The following ZNF280D variants were observed in gnomAD, a reference collection of about 807,000 sequenced individuals.
ZNF280D encodes the protein zinc finger protein 280D, also known as suppressor of hairy wing homolog 4.
A neutral mutation model predicts 94.7 loss-of-function variants in ZNF280D; 39 were observed. That is an observed-to-expected ratio of 0.41 (90% CI 0.32 to 0.54). ZNF280D has a LOEUF of 0.54. ZNF280D is among the 20% of genes least tolerant of loss of function. ZNF280D has a pLI of 0.22. For missense variants in ZNF280D, 1,090 were observed against 1,149.3 expected (o/e 0.95, Z 0.75); for synonymous variants, 398 against 377.6 (o/e 1.05, Z -0.63).
chr15:56,692,243 A>T (rs1425129363), intron 7 of ZNF280D, among the ~76,000 whole-genome samples: 2 of 152,086 alleles, frequency 1.3e-5, no homozygotes, highest in Non-Finnish European at 2.9e-5. Context: ...GTGAATATCA[A>T]ATCAAGTATT....
At chr15:56,703,218 G>T (rs2057192048) in intron 4 of ZNF280D, among the ~76,000 whole-genome samples, 1 of 152,132 alleles carries the variant, frequency 6.6e-6, no homozygotes, top group African/African-American at 2.4e-5. Context: ...CTGCCCAAAA[G>T]CCTTAAGGAT....
chr15:56,666,842 T>C lies in ZNF280D; in HGVS notation c.1690A>G (p.Lys564Glu). Residue 564 changes from lysine (K) to glutamate (E), a missense_variant, in exon 15 of 22, where the codon AAA becomes GAA. Physicochemically the swap from Lys to Glu is moderately conservative, Grantham distance 56. Around this residue, in one of 3 missense-constraint regions of ZNF280D, gnomAD observed 577 missense variants for 568.8 expected, o/e 1.01. Coordinates refer to ENST00000267807, the MANE Select transcript of ZNF280D (RefSeq NM_017661.4). ...AKNPAKSNTS[K>E]PNTVKSNASK... is the part of the protein sequence containing the mutation. ...GCGTTGGATTTGACTGTATTAGGTT[T>C]ACTTGTATTAGATTTTGCAGGATTT... The C allele has an allele frequency of 6.2e-7, 1 of 1,613,952 alleles. No homozygotes were observed. Among genetic ancestry groups the C allele is most frequent in the Non-Finnish European group, 8.5e-7 (1 of 1,179,908 alleles).
chr15:56,692,990 T>C (rs2056513580), intron 7 of ZNF280D, 108 bp downstream of exon 7: 6 of 632,554 alleles, frequency 9.5e-6, no homozygotes, highest in African/African-American at 5.8e-5. Context: ...TTACAATATA[T>C]GAAAAACTTC....
rs1596559893 is a variant in ZNF280D at position 56,701,156 on chromosome 15, G to C, written c.241+17C>G. The C allele has an allele frequency of 6.3e-7, 1 of 1,597,862 alleles. No individual in the cohort carries two copies. Among genetic ancestry groups the C allele is most frequent in the African/African-American group, 1.4e-5 (1 of 73,710 alleles). The stretch of plus-strand genomic sequence containing the variant: ...AATACTTCACTTTAAAATTAAAATA[G>C]TATAATAATACTGTACCTCGACTGA... On this transcript the variant is annotated intron_variant, in intron 5 of 21. Coordinates refer to ENST00000267807, the MANE Select transcript of ZNF280D (RefSeq NM_017661.4).
intron 6 of ZNF280D, chr15:56,700,688 G>A: frequency 7.0e-7 from 1 of 1,423,712 alleles, no homozygotes. Context: ...TGATAGTATA[G>A]TTTTCATTAC....
At chr15:56,706,402 C>G (rs2057405080) in intron 3 of ZNF280D, among the ~76,000 whole-genome samples, 1 of 151,602 alleles carries the variant, frequency 6.6e-6, no homozygotes, top group African/African-American at 2.4e-5. Flanking sequence ...CACTTGAGCC[C>G]AGGAAGAGGA....
At chr15:56,699,891 G>A (rs2056957497) in intron 6 of ZNF280D, 1 of 152,784 alleles carries the variant, frequency 6.5e-6, no homozygotes, top group South Asian at 2.1e-4. Flanking sequence ...ACTCAGTTGA[G>A]TAATGTAGTT....
In ZNF280D at chr15:56,669,954, TATATATATTATATATATATA is replaced by T; in HGVS notation, c.1411-1017_1411-998del. ...ATATATATTATATATATATATTATA[TATATATATTATATATATATA>T]ATATATATATTATATATATATATTA... On this transcript the variant is annotated intron_variant, in intron 13 of 21. Coordinates refer to ENST00000267807, the MANE Select transcript of ZNF280D (RefSeq NM_017661.4). Among the ~76,000 whole-genome samples the T allele has an allele frequency of 2.0e-3, 6 of 2,968 alleles. 1 individual carries two copies. The South Asian group carries it at 0.073, about 36-fold the overall frequency. 1.9% of individuals were successfully genotyped at this position (2,968 alleles called of 152,430 possible).
intron 9 of ZNF280D, among the ~76,000 whole-genome samples, chr15:56,684,698 CATATT>C (rs1186754116): frequency 2.0e-5 from 3 of 149,540 alleles, no homozygotes; most frequent in Admixed American, 6.6e-5. Context: ...ATAAAGGAAA[CATATT>C]AGTAGGAGAA....
At chr15:56,653,676 GT>G in intron 19 of ZNF280D, 1 of 1,335,388 alleles carries the variant, frequency 7.5e-7, no homozygotes. Context: ...AACTTAAGAC[GT>G]ATAAGAAATT....
Position 56,693,831 on chromosome 15 carries a change from G to T in ZNF280D, c.382-616C>A, listed in dbSNP as rs553871270. 2.0e-5 allele frequency among the ~76,000 whole-genome samples: 3 copies of T among 152,220 alleles called. No individual in the cohort carries two copies. In the South Asian group the frequency reaches 6.2e-4, roughly 32 times the overall value. ...GTGAATTTTGAAATCATCTTTATTGGAGAAATGTATAAGCTATGTGTCAGA... is the reference window on the plus strand; with the variant it reads ...GTGAATTTTGAAATCATCTTTATTGTAGAAATGTATAAGCTATGTGTCAGA... On this transcript the variant is annotated intron_variant, in intron 6 of 21. Coordinates refer to ENST00000267807, the MANE Select transcript of ZNF280D (RefSeq NM_017661.4).
At chr15:56,677,707 TTAAGA>T in intron 11 of ZNF280D, 33 bp from the exon 12 acceptor site, 1 of 882,044 alleles carries the variant, frequency 1.1e-6, no homozygotes, top group Non-Finnish European at 1.6e-6. Flanking sequence ...ATAATAATAT[TTAAGA>T]TATTAATATA....
Position 56,675,391 on chromosome 15 carries a change from A to C in ZNF280D, c.1410+1279T>G, listed in dbSNP as rs116980257. Reference sequence around the variant, plus strand: ...CGGGGTATCAAGAATAGTGTTTCCCAAATTCTGTTCATAAAGAAATGCACT... The same window carrying C: ...CGGGGTATCAAGAATAGTGTTTCCCCAATTCTGTTCATAAAGAAATGCACT... On this transcript the variant is annotated intron_variant, in intron 13 of 21. Transcript: ENST00000267807. Among the ~76,000 whole-genome samples, 855 of 152,070 alleles carry C rather than the reference A, an allele frequency of 5.6e-3. 4 individuals carry two copies. The highest frequency in any genetic ancestry group is 9.3e-3 in the Non-Finnish European group (635 of 67,966).
chr15:56,671,425 A>G (rs1409099240), intron 13 of ZNF280D, among the ~76,000 whole-genome samples: 2 of 152,132 alleles, frequency 1.3e-5, no homozygotes, highest in African/African-American at 4.8e-5. Flanking sequence ...CATTTATTGA[A>G]TAGGGGAATC....
chr15:56,669,927 A>ATATATATTATATATATATAT (rs2054649508), intron 13 of ZNF280D, among the ~76,000 whole-genome samples: 1 of 8,462 alleles, frequency 1.2e-4, no homozygotes, highest in African/African-American at 4.2e-4. Context: ...TATATATATT[A>ATATATATTATATATATATAT]TATATATATT....
In ZNF280D at chr15:56,676,749, G is replaced by C. The variant is rs1316773388; in HGVS notation, c.1331C>G (p.Thr444Ser). ...ETHFRTSHEN[T>S]KNLLCPFCLK... The stretch of plus-strand genomic sequence containing the variant: ...GCAAAACGGGCATAGCAAGTTCTTA[G>C]TGTTTTCATGGGATGTTCTAAAATG... Residue 444 changes from threonine to serine, a missense_variant, in exon 13 of 22, where the codon ACT becomes AGT. Physicochemically the swap from Thr to Ser is moderately conservative, Grantham distance 58. This residue lies in a region of ZNF280D where 127 missense variants were observed against 208.6 expected (regional missense o/e 0.61). Transcript: ENST00000267807. 6.2e-7 allele frequency: 1 copy of C among 1,611,442 alleles called. No individual in the cohort carries two copies. Among genetic ancestry groups the C allele is most frequent in the South Asian group, 1.1e-5 (1 of 90,906 alleles).
intron 6 of ZNF280D, among the ~76,000 whole-genome samples, chr15:56,694,939 TATTAG>T (rs1399008076): frequency 3.3e-5 from 5 of 152,170 alleles, no homozygotes; most frequent in African/African-American, 1.2e-4. Context: ...CTGTGTCTAA[TATTAG>T]TTTGAGTTAA....
intron 16 of ZNF280D, among the ~76,000 whole-genome samples, chr15:56,666,099 C>A (rs7165211): frequency 0.22 from 32,838 of 150,394 alleles, 3,691 homozygotes; most frequent in Middle Eastern, 0.36. Context: ...CCACTGCACT[C>A]CAGCCTGGGC....
At chr15:56,705,808 G>A (rs1355382669) in intron 3 of ZNF280D, among the ~76,000 whole-genome samples, 1 of 151,842 alleles carries the variant, frequency 6.6e-6, no homozygotes, top group African/African-American at 2.4e-5. Context: ...ACGTCATATA[G>A]GAATACATTT....
Sources: allele counts gnomAD v4.1 joint callset (sites outside exome capture counted in the v4.1 genomes callset), GRCh38; gene constraint gnomAD v4.1.1; regional missense constraint gnomAD v4.1.1; transcripts MANE v1.5; gene names NCBI Gene and HGNC (gene_info 2026-07-23, HGNC 2026-07-21).